Variants in LINS1 observed in about 807,000 individuals in gnomAD.
LINS1 encodes protein Lines homolog 1.
Under a neutral mutation model 41.6 loss-of-function variants are expected in LINS1, and 27 were observed. That is an observed-to-expected ratio of 0.65 (90% CI 0.48 to 0.89). LINS1 has a LOEUF of 0.89. Ranked by LOEUF, LINS1 falls within the 40% of genes least tolerant of loss-of-function variation. LINS1 has a pLI of 0.00. For synonymous variants in LINS1, 336 were observed against 312.9 expected (o/e 1.07, Z -0.78); for missense variants, 955 against 884.1 (o/e 1.08, Z -1.02).
chr15:100,574,074 T>G lies in LINS1; in HGVS notation c.799A>C (p.Lys267Gln). The G allele has an allele frequency of 6.2e-7, 1 of 1,614,160 alleles. No individual in the cohort carries two copies. Among genetic ancestry groups the G allele is most frequent in the Non-Finnish European group, 8.5e-7 (1 of 1,180,002 alleles). Residue 267 changes from lysine to glutamine, a missense_variant, in exon 5 of 7, where the codon AAG becomes CAG. Transcript: ENST00000314742. ...ATCCTCTGGCAAGTGAAATGTAACT[T>G]CAGGTGGATTCTGGAGGCGATGAGA... ...ELLIASRIHLKLHFTCQRILF... is the reference protein window; with the variant it reads ...ELLIASRIHLQLHFTCQRILF...
chr15:100,572,669 C>A (rs2037896657), intron 5 of LINS1: 1 of 986,548 alleles, frequency 1.0e-6, no homozygotes, highest in African/African-American at 1.7e-5. Flanking sequence ...CAAAGCAATT[C>A]AGTGATGTCA....
chr15:100,587,293 C>T (rs2038851754), intron 1 of LINS1, among the ~76,000 whole-genome samples: 1 of 151,306 alleles, frequency 6.6e-6, no homozygotes. Context: ...TACTGTTTTG[C>T]ATGGATAGTG....
intron 1 of LINS1, among the ~76,000 whole-genome samples, chr15:100,598,532 A>G (rs1298177281): frequency 6.6e-6 from 1 of 152,234 alleles, no homozygotes; most frequent in Non-Finnish European, 1.5e-5. Flanking sequence ...CACACACTGA[A>G]GCACCATCTT....
At position 100,572,137 on chromosome 15, in the gene LINS1, T is replaced by C. The variant is rs1493652; in HGVS notation, c.1223-72A>G. On this transcript the variant is annotated intron_variant, in intron 5 of 6. Transcript: ENST00000314742. The stretch of plus-strand genomic sequence containing the variant: ...AATGAATATCTTGCCTATATATAAA[T>C]TCATAGTGTCTAAAGTACCTTAAGA... The C allele has an allele frequency of 0.88, 1,392,292 of 1,583,230 alleles. 619,300 individuals are homozygous for C. The highest frequency in any genetic ancestry group is 0.91 in the Non-Finnish European group (1,062,668 of 1,165,498).
intron 1 of LINS1, among the ~76,000 whole-genome samples, chr15:100,592,490 TTCCC>T (rs551864205): frequency 4.6e-5 from 7 of 152,106 alleles, no homozygotes; most frequent in African/African-American, 1.7e-4. Flanking sequence ...ATAGGGCTGA[TTCCC>T]TCCCTGCAGT....
At position 100,574,706 on chromosome 15, in the gene LINS1, C is replaced by T. The variant is rs1356863462; in HGVS notation, c.631+281G>A. Among the ~76,000 whole-genome samples the T allele has an allele frequency of 2.6e-5, 4 of 151,954 alleles. No homozygotes were observed. In the South Asian group the frequency reaches 6.2e-4, roughly 24 times the overall value. The stretch of plus-strand genomic sequence containing the variant: ...CTGGGCAACAAAGCAAGACTTGTCT[C>T]AAAAAAATAAAACAAAACAAAACAA... On this transcript the variant is annotated intron_variant, in intron 4 of 6. Transcript: ENST00000314742.
chr15:100,571,311 G>A (rs553289720), intron 6 of LINS1, among the ~76,000 whole-genome samples: 44 of 152,274 alleles, frequency 2.9e-4, no homozygotes, highest in African/African-American at 1.0e-3. Flanking sequence ...AAAGGTCATC[G>A]GTTATTAGCT....
chr15:100,579,285 C>CA (rs1247736847), intron 3 of LINS1, among the ~76,000 whole-genome samples: 1 of 151,582 alleles, frequency 6.6e-6, no homozygotes, highest in Admixed American at 6.6e-5. Flanking sequence ...ATGTTCACTT[C>CA]AAAATCTCCT....
intron 1 of LINS1, among the ~76,000 whole-genome samples, 200 bp from the exon 2 acceptor site, chr15:100,581,145 C>A (rs536516381): frequency 2.0e-5 from 3 of 152,156 alleles, no homozygotes. Flanking sequence ...GATTTGAGAG[C>A]ATAAAATTAG....
chr15:100,573,574 T>C, intron 5 of LINS1, 77 bp downstream of exon 5: 1 of 969,690 alleles, frequency 1.0e-6, no homozygotes. Flanking sequence ...AAACTAGTCC[T>C]GAGATTTGAT....
rs2037648708 is a variant in LINS1 at position 100,568,938 on chromosome 15, C to A, written c.*300G>T. 4.0e-6 allele frequency: 1 copy of A among 251,304 alleles called. No homozygotes were observed. The highest frequency in any genetic ancestry group is 5.1e-5 in the Admixed American group (1 of 19,564). 15.6% of individuals were successfully genotyped at this position (251,304 alleles called of 1,614,324 possible). A position where few individuals can be genotyped will look rare whatever the true frequency, so the allele number is the denominator to read the frequency against. On this transcript the variant is annotated 3_prime_UTR_variant, in exon 7 of 7. Coordinates refer to ENST00000314742, the MANE Select transcript of LINS1 (RefSeq NM_001040616.3). ...CAGGAGTTTGAGACCAGCCTGGCAA[C>A]ATGGTGAAACCCCCGTCTCTACTAA...
Position 100,580,923 on chromosome 15 carries a change from C to T in LINS1, c.-81G>A. On this transcript the variant is annotated 5_prime_UTR_variant, in exon 2 of 7. Coordinates refer to ENST00000314742, the MANE Select transcript of LINS1 (RefSeq NM_001040616.3). ...TAAATCTCAGAAGTGCAATGAATCT[C>T]TAAGAAGTTTCTTCAGTGAAACCTA... The T allele has an allele frequency of 7.6e-7, 1 of 1,321,544 alleles. No homozygotes were observed. Among genetic ancestry groups the T allele is most frequent in the African/African-American group, 1.5e-5 (1 of 68,122 alleles). 81.9% of individuals were successfully genotyped at this position (1,321,544 alleles called of 1,614,324 possible). A position where few individuals can be genotyped will look rare whatever the true frequency, so the allele number is the denominator to read the frequency against.
intron 1 of LINS1, among the ~76,000 whole-genome samples, chr15:100,591,985 C>T (rs2039058708): frequency 6.6e-6 from 1 of 152,186 alleles, no homozygotes; most frequent in Non-Finnish European, 1.5e-5. Context: ...ACGCTGACTT[C>T]CTAGAACTAA....
chr15:100,569,740 G>T lies in LINS1; in HGVS notation c.1772C>A (p.Ser591Tyr). 1.2e-6 allele frequency: 2 copies of T among 1,613,770 alleles called. No individual in the cohort carries two copies. Among genetic ancestry groups the T allele is most frequent in the Non-Finnish European group, 1.7e-6 (2 of 1,179,820 alleles). ...HSHRDVCARH[S>Y]WASDAPSEPL... ...TTCAGAGGGAGCATCGGAAGCCCAGGAGTGCCGAGCACACACATCTCTGTG... is the reference window on the plus strand; with the variant it reads ...TTCAGAGGGAGCATCGGAAGCCCAGTAGTGCCGAGCACACACATCTCTGTG... The change falls in exon 7 of 7, where the codon TCC becomes TAC. Residue 591 changes from serine to tyrosine, a missense_variant. Ser to Tyr is a moderately radical substitution (Grantham distance 144). Coordinates refer to ENST00000314742, the MANE Select transcript of LINS1 (RefSeq NM_001040616.3).
intron 1 of LINS1, among the ~76,000 whole-genome samples, chr15:100,601,812 C>T (rs570371876): frequency 6.6e-6 from 1 of 152,208 alleles, no homozygotes; most frequent in East Asian, 1.9e-4. Context: ...TCACAGGAAC[C>T]CGCCAACGTT....
chr15:100,578,455 C>G (rs530791190), intron 3 of LINS1, among the ~76,000 whole-genome samples: 2 of 151,168 alleles, frequency 1.3e-5, no homozygotes, highest in Non-Finnish European at 3.0e-5. Context: ...CAGAGAAATG[C>G]AAATCAAAAC....
chr15:100,576,240 G>T (rs1266497967), intron 3 of LINS1, among the ~76,000 whole-genome samples: 4 of 152,108 alleles, frequency 2.6e-5, no homozygotes, highest in Admixed American at 6.5e-5. Flanking sequence ...CCAGGAGCTG[G>T]TTTTTTGAAA....
Position 100,568,173 on chromosome 15 carries a change from G to A in LINS1, c.*1065C>T, listed in dbSNP as rs1224111338. ...TAAATTTTTTTTTAGAAAGAATCAT[G>A]TTCATACAGTAGGCCAGGTATAATC... is the stretch of plus-strand genomic sequence containing the variant. On this transcript the variant is annotated 3_prime_UTR_variant, in exon 7 of 7. Transcript: ENST00000314742. The A allele has an allele frequency of 6.6e-6, 1 of 151,842 alleles. No individual in the cohort carries two copies. Among genetic ancestry groups the A allele is most frequent in the Non-Finnish European group, 1.5e-5 (1 of 67,974 alleles). The allele number at this position is 151,842 out of a possible 1,614,324, so 9.4% of individuals were successfully genotyped here.
intron 6 of LINS1, chr15:100,570,349 A>G: frequency 4.5e-6 from 2 of 440,722 alleles, no homozygotes; most frequent in South Asian, 3.7e-5. Flanking sequence ...TTGTCTGCCC[A>G]ATAAAAGTTA....
Sources: allele counts gnomAD v4.1 joint callset (sites outside exome capture counted in the v4.1 genomes callset), GRCh38; gene constraint gnomAD v4.1.1; transcripts MANE v1.5; gene names NCBI Gene and HGNC (gene_info 2026-07-23, HGNC 2026-07-21).